Variants in DOCK1 observed in about 807,000 individuals in gnomAD.
DOCK1 encodes the protein dedicator of cytokinesis protein 1.
A neutral mutation model predicts 262.7 loss-of-function variants in DOCK1; 138 were observed. The ratio of observed to expected loss-of-function variants is 0.53; its 90% confidence interval spans 0.46 to 0.61. The LOEUF is 0.61. Ranked by LOEUF, DOCK1 falls within the 20% of genes least tolerant of loss-of-function variation. The pLI is 0.00. For synonymous variants in DOCK1, 866 were observed against 867.4 expected (o/e 1.00, Z 0.03); for missense variants, 1,908 against 2,370.7 (o/e 0.80, Z 4.05).
intron 27 of DOCK1, among the ~76,000 whole-genome samples, chr10:127,210,188 G>T (rs1392642556): frequency 2.6e-5 from 4 of 152,174 alleles, no homozygotes; most frequent in Non-Finnish European, 5.9e-5. Context: ...GTGGTTATTG[G>T]CCCATTACCT....
chr10:126,914,659 C>T (rs2032252005), intron 1 of DOCK1, among the ~76,000 whole-genome samples: 1 of 152,156 alleles, frequency 6.6e-6, no homozygotes, highest in Non-Finnish European at 1.5e-5. Context: ...AGCCACCACA[C>T]CCAGGGGAGT....
chr10:126,991,442 G>A (rs923603805), intron 6 of DOCK1, among the ~76,000 whole-genome samples: 3 of 151,984 alleles, frequency 2.0e-5, no homozygotes, highest in African/African-American at 7.3e-5. Context: ...GATAGCTGTT[G>A]AATTATAGAA....
At chr10:127,019,320 T>C (rs1259066918) in intron 13 of DOCK1, among the ~76,000 whole-genome samples, 1 of 152,210 alleles carries the variant, frequency 6.6e-6, no homozygotes, top group Non-Finnish European at 1.5e-5. Context: ...TTAACATTAA[T>C]CTCATATTTA....
intron 27 of DOCK1, among the ~76,000 whole-genome samples, chr10:127,242,709 T>TC (rs2059304902): frequency 6.6e-6 from 1 of 152,210 alleles, no homozygotes; most frequent in Non-Finnish European, 1.5e-5. Context: ...TTCATTGCTT[T>TC]TTATGATGAT....
chr10:127,354,537 A>T, intron 31 of DOCK1, 132 bp from the exon 32 acceptor site: 1 of 954,694 alleles, frequency 1.0e-6, no homozygotes, highest in Non-Finnish European at 1.6e-6. Flanking sequence ...GTGGCAAGAG[A>T]AGTTGAAGCT....
chr10:127,101,418 G>A (rs558195274), intron 23 of DOCK1, among the ~76,000 whole-genome samples: 29 of 152,302 alleles, frequency 1.9e-4, no homozygotes, highest in African/African-American at 6.5e-4. Flanking sequence ...ACCCAGGACT[G>A]ATAGCAGATG....
chr10:127,158,974 T>A (rs959043519), intron 27 of DOCK1, among the ~76,000 whole-genome samples: 1 of 152,280 alleles, frequency 6.6e-6, no homozygotes, highest in East Asian at 1.9e-4. Context: ...AGGGACCAAT[T>A]TGGGGACCCT....
chr10:126,919,771 T>C (rs1048132894), intron 1 of DOCK1, among the ~76,000 whole-genome samples: 1 of 152,198 alleles, frequency 6.6e-6, no homozygotes, highest in Non-Finnish European at 1.5e-5. Context: ...TGGCTCCGTG[T>C]CCCCTGCTAG....
chr10:127,418,321 A>T (rs867791328), intron 44 of DOCK1, 44 bp from the exon 45 acceptor site: 3 of 1,540,976 alleles, frequency 1.9e-6, no homozygotes, highest in Middle Eastern at 3.5e-4. Flanking sequence ...CTGGGAGTGG[A>T]GGCAGCTGTG....
chr10:127,242,669 A>G (rs1024627278), intron 27 of DOCK1, among the ~76,000 whole-genome samples: 1 of 152,168 alleles, frequency 6.6e-6, no homozygotes, highest in Non-Finnish European at 1.5e-5. Context: ...GTTTAGTAAT[A>G]TATTTTAAAA....
intron 27 of DOCK1, among the ~76,000 whole-genome samples, chr10:127,129,438 A>G (rs2050171498): frequency 6.6e-6 from 1 of 152,260 alleles, no homozygotes; most frequent in Non-Finnish European, 1.5e-5. Flanking sequence ...TTATTACATA[A>G]ACATAAATTT....
rs573962467 is a variant in DOCK1, at chr10:126,986,916, G to C, written c.228-605G>C. ...CAGAGCGAGACACCGTTTCAAAAAA[G>C]AAGAGTAAGTCAAAGGTTAAACTTT... On this transcript the variant is annotated intron_variant, in intron 4 of 51. Transcript: ENST00000623213. Among the ~76,000 whole-genome samples the C allele has an allele frequency of 3.2e-4, 49 of 152,150 alleles. No homozygotes were observed. In the South Asian group the frequency reaches 8.9e-3, roughly 28 times the overall value.
chr10:127,190,221 T>A (rs1423339224), intron 27 of DOCK1, among the ~76,000 whole-genome samples: 1 of 152,234 alleles, frequency 6.6e-6, no homozygotes, highest in African/African-American at 2.4e-5. Context: ...AGGTTGAGTT[T>A]GGTGGTAAAG....
intron 27 of DOCK1, among the ~76,000 whole-genome samples, chr10:127,171,570 A>G (rs1030007392): frequency 6.6e-6 from 1 of 152,278 alleles, no homozygotes; most frequent in Non-Finnish European, 1.5e-5. Flanking sequence ...TGCAGATGAA[A>G]TTCTGTTGGA....
chr10:127,007,624 T>C (rs2135255737), intron 10 of DOCK1: 1 of 152,340 alleles, frequency 6.6e-6, no homozygotes, highest in South Asian at 2.1e-4. Context: ...ACAGTGTGTC[T>C]GGGTTTACCC....
chr10:127,299,156 T>C lies in DOCK1; in HGVS notation c.3045-39850T>C, dbSNP rs188930673. Among the ~76,000 whole-genome samples the C allele has an allele frequency of 3.3e-5, 5 of 152,296 alleles. No individual in the cohort carries two copies. In the South Asian group the frequency reaches 6.2e-4, roughly 19 times the overall value. ...CTCTGTCACTCAGGCTGGAGTACAATAGCATGATCTCAGCTCGCTGCAACC... is the reference window on the plus strand; with the variant it reads ...CTCTGTCACTCAGGCTGGAGTACAACAGCATGATCTCAGCTCGCTGCAACC... On this transcript the variant is annotated intron_variant, in intron 29 of 51. Coordinates refer to ENST00000623213, the MANE Select transcript of DOCK1 (RefSeq NM_001290223.2).
rs1366509899 is a variant in DOCK1, at chr10:127,175,535, C to T, written c.2847+47771C>T. The T allele has an allele frequency of 2.5e-6, 4 of 1,610,512 alleles. No homozygotes were observed. Among genetic ancestry groups the T allele is most frequent in the Middle Eastern group, 1.7e-4 (1 of 6,058 alleles). On this transcript the variant is annotated intron_variant, in intron 27 of 51. Coordinates refer to ENST00000623213, the MANE Select transcript of DOCK1 (RefSeq NM_001290223.2). The surrounding 1 kb of genome is among the most constrained non-coding windows in gnomAD (Gnocchi z 6.3). ...CGTTGAGATGTGTGGCTCTCCTCCG[C>T]TCGTCATCTGCCGGGCAGAGTGACC...
intron 22 of DOCK1, among the ~76,000 whole-genome samples, chr10:127,060,803 C>T (rs1017833473): frequency 3.3e-5 from 5 of 152,122 alleles, no homozygotes; most frequent in African/African-American, 1.2e-4. Context: ...GAAATGAATG[C>T]GTTTGTAAAG....
chr10:127,036,893 C>T (rs2043659152), intron 18 of DOCK1, among the ~76,000 whole-genome samples: 2 of 150,456 alleles, frequency 1.3e-5, no homozygotes, highest in Admixed American at 1.3e-4. Context: ...AGGAAAATCT[C>T]TTGAACCCAG....
Sources: allele counts gnomAD v4.1 joint callset (sites outside exome capture counted in the v4.1 genomes callset), GRCh38; gene constraint gnomAD v4.1.1; non-coding constraint Gnocchi (gnomAD v3.1); transcripts MANE v1.5; gene names NCBI Gene and HGNC (gene_info 2026-07-23, HGNC 2026-07-21).